ACAD10: variants seen among roughly 807,000 people sequenced by gnomAD.
The protein encoded by ACAD10 is acyl-CoA dehydrogenase family member 10.
A neutral mutation model predicts 116.8 loss-of-function variants in ACAD10; 112 were observed. That is an observed-to-expected ratio of 0.96 (90% CI 0.82 to 1.12). The LOEUF is 1.12. ACAD10 is among the 50% of genes most tolerant of loss of function. ACAD10 has a pLI of 0.00. For synonymous variants in ACAD10, 486 were observed against 510.6 expected, an observed-to-expected ratio of 0.95 and a Z score of 0.65; for missense variants, 1,259 against 1,350.2, an observed-to-expected ratio of 0.93 and a Z score of 1.06.
chr12:111,692,929 C>G, intron 2 of ACAD10, 33 bp downstream of exon 2: 1 of 1,605,342 alleles, frequency 6.2e-7, no homozygotes, highest in Non-Finnish European at 8.5e-7. Context: ...CTTTGTGGGA[C>G]TAGAGTGGTG....
At chr12:111,709,278 G>C (rs979822151) in intron 4 of ACAD10, among the ~76,000 whole-genome samples, 3 of 152,142 alleles carry the variant, frequency 2.0e-5, no homozygotes, top group Non-Finnish European at 4.4e-5. Flanking sequence ...TTGCTCGTTT[G>C]CACAGGGTCA....
At chr12:111,692,053 C>G (rs1216163302) in intron 1 of ACAD10, among the ~76,000 whole-genome samples, 3 of 152,200 alleles carry the variant, frequency 2.0e-5, no homozygotes, top group Non-Finnish European at 4.4e-5. Context: ...ACTGCAACCT[C>G]TGCCTCCCGG....
intron 7 of ACAD10, among the ~76,000 whole-genome samples, chr12:111,717,802 G>A (rs781553704): frequency 7.9e-5 from 12 of 151,942 alleles, no homozygotes; most frequent in Non-Finnish European, 1.6e-4. Context: ...TCCCACCTTG[G>A]CCTCCCAAAG....
rs1888830003 is a variant in ACAD10 at position 111,715,882 on chromosome 12, G to A, written c.912G>A (p.Leu304=). The A allele has an allele frequency of 6.2e-7, 1 of 1,614,090 alleles. No individual in the cohort carries two copies. The highest frequency in any genetic ancestry group is 1.7e-5 in the Admixed American group (1 of 60,004). The change falls in exon 7 of 21, where the codon CTG becomes CTA. Residue 304 remains leucine (L), a synonymous_variant. Transcript: ENST00000313698. ...GQSNPTYYIR[L]ANRDLVLRKK... is the part of the protein sequence containing the mutation. The stretch of plus-strand genomic sequence containing the variant: ...CAAATCCAACTTACTACATCAGGCT[G>A]GCTAATCGTGATCTAGTTCTGAGGA...
intron 12 of ACAD10, among the ~76,000 whole-genome samples, chr12:111,742,409 G>C (rs548459785): frequency 1.3e-5 from 2 of 152,222 alleles, no homozygotes; most frequent in South Asian, 2.1e-4. Context: ...GACTTCCCTG[G>C]GTTAGGTTCA....
Position 111,755,665 on chromosome 12 carries a change from C to T in ACAD10, c.2962-3C>T. Reference sequence around the variant, plus strand: ...TTATGATCGCATCTCCTCCTCCTTACAGGCTGCAGCCTTGGATATAGCCAT... The same window carrying T: ...TTATGATCGCATCTCCTCCTCCTTATAGGCTGCAGCCTTGGATATAGCCAT... On this transcript the variant is annotated splice_region_variant and splice_polypyrimidine_tract_variant and intron_variant, in intron 19 of 20. Transcript: ENST00000313698. 1 of 1,613,508 alleles carries T rather than the reference C, an allele frequency of 6.2e-7. No homozygotes were observed. The highest frequency in any genetic ancestry group is 8.5e-7 in the Non-Finnish European group (1 of 1,179,708).
At chr12:111,750,155 G>C (rs113154161) in intron 18 of ACAD10, among the ~76,000 whole-genome samples, 7 of 148,408 alleles carry the variant, frequency 4.7e-5, no homozygotes, top group South Asian at 2.1e-4. Context: ...GCAGTGGCGC[G>C]ATCTTGGCTC....
At chr12:111,695,589 A>G (rs56240406) in intron 2 of ACAD10, among the ~76,000 whole-genome samples, 2,346 of 152,282 alleles carry the variant, frequency 0.015, 72 homozygotes, top group African/African-American at 0.053. Flanking sequence ...AGGCTGGCTC[A>G]GTCATTCAGG....
At chr12:111,711,514 G>A (rs1405365297) in intron 5 of ACAD10, among the ~76,000 whole-genome samples, 1 of 144,620 alleles carries the variant, frequency 6.9e-6, no homozygotes, top group East Asian at 2.1e-4. Flanking sequence ...CAGCTGACCT[G>A]TGCTAAAATT....
In ACAD10 at chr12:111,702,209, T is replaced by C. The variant is rs2135949651; in HGVS notation, c.235T>C (p.Leu79=). Residue 79 remains leucine, a synonymous_variant, in exon 3 of 21, where the codon TTG becomes CTG. Transcript: ENST00000313698. ...CCCTTCTGGAACTATATTAAAGGCCTTGATGGAAGGTGGTGAAAATGGGCC... is the reference window on the plus strand; with the variant it reads ...CCCTTCTGGAACTATATTAAAGGCCCTGATGGAAGGTGGTGAAAATGGGCC... ...RIPSGTILKA[L]MEGGENGPWM... is the part of the protein sequence containing the mutation. 1 of 1,614,108 alleles carries C rather than the reference T, an allele frequency of 6.2e-7. No homozygotes were observed. The highest frequency in any genetic ancestry group is 1.6e-4 in the Middle Eastern group (1 of 6,062).
intron 12 of ACAD10, among the ~76,000 whole-genome samples, chr12:111,742,617 T>C (rs1274988839): frequency 3.3e-5 from 5 of 152,172 alleles, no homozygotes; most frequent in African/African-American, 4.8e-5. Context: ...CCCAGCAGTT[T>C]GGTAGACTGA....
At position 111,723,422 on chromosome 12, in the gene ACAD10, A is replaced by AC. The variant is rs1260458444; in HGVS notation, c.1061+1690dup. On this transcript the variant is annotated intron_variant, in intron 8 of 20. Transcript: ENST00000313698. The stretch of plus-strand genomic sequence containing the variant: ...GGGCGGCTGGCCGGGCGGGGGGCTG[A>AC]CCCCCCCGCCTCCCTCCTGGACGGG... Among the ~76,000 whole-genome samples, 97 of 99,176 alleles carry AC rather than the reference A, an allele frequency of 9.8e-4. 1 individual carries two copies. In the South Asian group the frequency reaches 0.021, roughly 21 times the overall value. 65.1% of individuals were successfully genotyped at this position (99,176 alleles called of 152,430 possible). A position where few individuals can be genotyped will look rare whatever the true frequency, so the allele number is the denominator to read the frequency against.
At chr12:111,736,808 G>A in intron 11 of ACAD10, 23 bp from the exon 12 acceptor site, 1 of 1,605,016 alleles carries the variant, frequency 6.2e-7, no homozygotes, top group African/African-American at 1.3e-5. Context: ...GACTACCCAT[G>A]AATGGCTCTG....
chr12:111,743,239 A>G (rs1303037027), intron 12 of ACAD10, among the ~76,000 whole-genome samples: 4 of 152,154 alleles, frequency 2.6e-5, no homozygotes, highest in Non-Finnish European at 4.4e-5. Context: ...GCTGAGTGAC[A>G]TATGTATTTA....
chr12:111,691,929 G>A (rs1005433606), intron 1 of ACAD10, among the ~76,000 whole-genome samples: 1 of 151,970 alleles, frequency 6.6e-6, no homozygotes, highest in African/African-American at 2.4e-5. Context: ...CTTAGGAATT[G>A]AGATTTTATT....
At chr12:111,715,367 CTG>C (rs1393395072) in intron 6 of ACAD10, 2 of 171,514 alleles carry the variant, frequency 1.2e-5, no homozygotes. Context: ...CCGAAGGCCT[CTG>C]TGTCACTCCT....
rs2068082842 is a variant in ACAD10 at position 111,756,279 on chromosome 12, T to G, written c.3040-54T>G. 2.0e-6 allele frequency: 3 copies of G among 1,520,978 alleles called. 1 individual carries two copies. The highest frequency in any genetic ancestry group is 2.6e-6 in the Non-Finnish European group (3 of 1,144,344). 94.2% of individuals were successfully genotyped at this position (1,520,978 alleles called of 1,614,324 possible). A position where few individuals can be genotyped will look rare whatever the true frequency, so the allele number is the denominator to read the frequency against. On this transcript the variant is annotated intron_variant, in intron 20 of 20. Coordinates refer to ENST00000313698, the MANE Select transcript of ACAD10 (RefSeq NM_025247.6). ...AAGAGCAGGCTATCATTCCTGGGGC[T>G]CTCGGAGACAAGGGCTGACCCAGGG...
chr12:111,738,153 G>A (rs1301811837), intron 12 of ACAD10, among the ~76,000 whole-genome samples: 6 of 152,026 alleles, frequency 3.9e-5, no homozygotes, highest in African/African-American at 7.2e-5. Flanking sequence ...CACTGAGCCC[G>A]GCCAGTCCCC....
chr12:111,744,644 G>T lies in ACAD10; in HGVS notation c.1716G>T (p.Gly572=). ...CTGTTTTTCTTTGATTCTGCTTAGGGCAAGCAAGCTCCACATATGCGGAAC... is the reference window on the plus strand; with the variant it reads ...CTGTTTTTCTTTGATTCTGCTTAGGTCAAGCAAGCTCCACATATGCGGAAC... ...LQGVYKRSLT[G]QASSTYAEQT... Residue 572 remains glycine (G), a splice_region_variant and synonymous_variant, in exon 13 of 21, where the codon GGG becomes GGT. Coordinates refer to ENST00000313698, the MANE Select transcript of ACAD10 (RefSeq NM_025247.6). 6.2e-7 allele frequency: 1 copy of T among 1,611,552 alleles called. No homozygotes were observed. Among genetic ancestry groups the T allele is most frequent in the Non-Finnish European group, 8.5e-7 (1 of 1,178,444 alleles).
Sources: allele counts gnomAD v4.1 joint callset (sites outside exome capture counted in the v4.1 genomes callset), GRCh38; gene constraint gnomAD v4.1.1; transcripts MANE v1.5; gene names NCBI Gene and HGNC (gene_info 2026-07-23, HGNC 2026-07-21).